The following PTPRN2 variants were observed in gnomAD, a reference collection of about 807,000 sequenced individuals.
The protein encoded by PTPRN2 is protein tyrosine phosphatase receptor type N2.
A neutral mutation model predicts 118.8 loss-of-function variants in PTPRN2; 74 were observed. The observed-to-expected ratio is 0.62, with a 90% confidence interval of 0.52 to 0.76. The LOEUF is 0.76. PTPRN2 is among the 30% of genes least tolerant of loss of function. PTPRN2 has a pLI of 0.00. For missense variants in PTPRN2, 1,481 were observed against 1,394.4 expected (o/e 1.06, Z -0.99); for synonymous variants, 641 against 608.0 (o/e 1.05, Z -0.80).
Position 158,418,348 on chromosome 7 carries a change from C to T in PTPRN2, c.163+71387G>A, listed in dbSNP as rs1485005890. Among the ~76,000 whole-genome samples, 2 of 150,804 alleles carry T rather than the reference C, an allele frequency of 1.3e-5. 1 individual carries two copies. Among genetic ancestry groups the T allele is most frequent in the Non-Finnish European group, 2.9e-5 (2 of 67,804 alleles). ...ATCGAGATGCTCTAGCTCTCCGTGT[C>T]CCGCTGTGTTAAGTCATGGTGAACT... On this transcript the variant is annotated intron_variant, in intron 2 of 22. Coordinates refer to ENST00000389418, the MANE Select transcript of PTPRN2 (RefSeq NM_002847.5).
intron 14 of PTPRN2, among the ~76,000 whole-genome samples, chr7:157,635,313 G>A (rs1189769605): frequency 6.6e-6 from 1 of 152,260 alleles, no homozygotes; most frequent in Non-Finnish European, 1.5e-5. Context: ...GAATGTGGGA[G>A]TGCCTCCCAG....
At chr7:157,958,667 C>T (rs1321980915) in intron 11 of PTPRN2, among the ~76,000 whole-genome samples, 1 of 151,958 alleles carries the variant, frequency 6.6e-6, no homozygotes, top group Non-Finnish European at 1.5e-5. Flanking sequence ...ACAATAGCAT[C>T]GAAAGAATAA....
intron 12 of PTPRN2, among the ~76,000 whole-genome samples, chr7:157,740,045 A>G (rs1800531848): frequency 6.6e-6 from 1 of 152,074 alleles, no homozygotes; most frequent in Non-Finnish European, 1.5e-5. Context: ...TTATATCTAC[A>G]TGGGTTTAAC....
rs370125000 is a variant in PTPRN2, at chr7:158,539,549, T to A, written c.112+48009A>T. ...GAGCTCGAATGAGTGACGGTCCTGG[T>A]GTGGGTTCAGCCATAACCTCCAGGA... On this transcript the variant is annotated intron_variant, in intron 1 of 22. Transcript: ENST00000389418. 2.9e-4 allele frequency: 46 copies of A among 158,374 alleles called. 1 individual carries two copies. In the South Asian group the frequency reaches 8.1e-3, roughly 28 times the overall value. 9.8% of individuals were successfully genotyped at this position (158,374 alleles called of 1,614,324 possible). A position where few individuals can be genotyped will look rare whatever the true frequency, so the allele number is the denominator to read the frequency against.
At chr7:158,289,994 G>A (rs1800009629) in intron 3 of PTPRN2, among the ~76,000 whole-genome samples, 1 of 152,166 alleles carries the variant, frequency 6.6e-6, no homozygotes. Flanking sequence ...GTCTGCAAGG[G>A]TGAACTTAGA....
chr7:157,898,944 C>T (rs906046597), intron 11 of PTPRN2, among the ~76,000 whole-genome samples: 1 of 152,200 alleles, frequency 6.6e-6, no homozygotes, highest in Non-Finnish European at 1.5e-5. Flanking sequence ...CACCTCGGGC[C>T]GGCACAACTG....
chr7:157,844,622 A>G (rs1316168604), intron 12 of PTPRN2, among the ~76,000 whole-genome samples: 1 of 152,184 alleles, frequency 6.6e-6, no homozygotes, highest in Non-Finnish European at 1.5e-5. Flanking sequence ...GCACGACCCC[A>G]GGGTGGTGAT....
chr7:158,049,687 G>A (rs539486023), intron 11 of PTPRN2, among the ~76,000 whole-genome samples: 2 of 152,314 alleles, frequency 1.3e-5, no homozygotes, highest in Admixed American at 1.3e-4. Flanking sequence ...GATCACCTGA[G>A]GTCAGGGGTT....
intron 11 of PTPRN2, among the ~76,000 whole-genome samples, chr7:158,007,985 ATG>A (rs1293126567): frequency 1.6e-5 from 2 of 125,346 alleles, no homozygotes; most frequent in Non-Finnish European, 3.3e-5. Flanking sequence ...CTTTGTGTAT[ATG>A]TGGGGTATGT....
At chr7:157,652,404 G>A (rs1805721002) in intron 14 of PTPRN2, among the ~76,000 whole-genome samples, 1 of 152,220 alleles carries the variant, frequency 6.6e-6, no homozygotes, top group Non-Finnish European at 1.5e-5. Flanking sequence ...GAAGAAGGTT[G>A]GAGGTCTGTC....
intron 12 of PTPRN2, among the ~76,000 whole-genome samples, chr7:157,840,798 C>G (rs772568448): frequency 1.3e-5 from 2 of 152,246 alleles, no homozygotes; most frequent in African/African-American, 4.8e-5. Context: ...TCTTCCTGGT[C>G]TCAGGCCACA....
intron 2 of PTPRN2, among the ~76,000 whole-genome samples, chr7:158,446,920 G>T (rs1817763592): frequency 6.6e-6 from 1 of 152,002 alleles, no homozygotes; most frequent in South Asian, 2.1e-4. Flanking sequence ...TGTTCCCACG[G>T]CCTCACGGCA....
intron 2 of PTPRN2, among the ~76,000 whole-genome samples, chr7:158,395,449 G>C (rs1404987995): frequency 2.8e-5 from 1 of 35,170 alleles, no homozygotes; most frequent in Non-Finnish European, 5.9e-5. Flanking sequence ...AGGCGCGAGG[G>C]GCCAGGGGCG....
At chr7:158,164,728 G>C (rs1321993975) in intron 6 of PTPRN2, among the ~76,000 whole-genome samples, 1 of 152,180 alleles carries the variant, frequency 6.6e-6, no homozygotes, top group East Asian at 1.9e-4. Context: ...AGATGGGATA[G>C]GAGAGAGAAA....
At position 157,594,391 on chromosome 7, in the gene PTPRN2, G is replaced by A. The variant is rs1007777402; in HGVS notation, c.2496+847C>T. ...CGGGCTGTGGATCGCCAGGAGGCCC[G>A]GGCTTTGGATCACCAGGAGGCCCGG... On this transcript the variant is annotated intron_variant, in intron 17 of 22. Transcript: ENST00000389418. Among the ~76,000 whole-genome samples, 10 of 107,432 alleles carry A rather than the reference G, an allele frequency of 9.3e-5. No homozygotes were observed. The South Asian group carries it at 1.3e-3, about 14-fold the overall frequency. The allele number at this position is 107,432 out of a possible 152,430, so 70.5% of individuals were successfully genotyped here.
intron 6 of PTPRN2, among the ~76,000 whole-genome samples, chr7:158,157,778 C>T (rs560724165): frequency 4.3e-4 from 66 of 152,348 alleles, no homozygotes; most frequent in African/African-American, 1.4e-3. Context: ...CCCTCTCCTG[C>T]GCCTGCTCCC....
chr7:158,017,940 G>C (rs1258246353), intron 11 of PTPRN2, among the ~76,000 whole-genome samples: 1 of 152,160 alleles, frequency 6.6e-6, no homozygotes, highest in Non-Finnish European at 1.5e-5. Flanking sequence ...GCTCAGAGAT[G>C]GTCAGAAGAG....
chr7:158,482,499 G>A (rs1220031924), intron 2 of PTPRN2, among the ~76,000 whole-genome samples: 1 of 152,232 alleles, frequency 6.6e-6, no homozygotes, highest in African/African-American at 2.4e-5. Flanking sequence ...CTTGCTGAAA[G>A]CTCAGGTGAT....
chr7:158,131,128 G>A (rs888159572), intron 9 of PTPRN2, among the ~76,000 whole-genome samples: 13 of 104,342 alleles, frequency 1.2e-4, no homozygotes, highest in East Asian at 6.4e-4. Context: ...ACACTCATAC[G>A]CACATACACA....
Sources: gnomAD v4.1 joint callset for allele counts (sites outside exome capture counted in the v4.1 genomes callset) on GRCh38, gnomAD v4.1.1 for gene constraint, MANE v1.5 for transcripts, NCBI Gene and HGNC (gene_info 2026-07-23, HGNC 2026-07-21) for gene names.